Variants in SLC25A32 observed in about 807,000 individuals in gnomAD.
The protein encoded by SLC25A32 is solute carrier family 25 member 32.
In SLC25A32, 32 loss-of-function variants were observed where a neutral mutation model predicts 39.0. The ratio of observed to expected loss-of-function variants is 0.82; its 90% CI spans 0.62 to 1.10. The LOEUF is 1.10. Ranked by LOEUF, SLC25A32 falls within the 50% of genes least tolerant of loss-of-function variation. SLC25A32 has a pLI of 0.00. For missense variants in SLC25A32, 367 were observed against 395.3 expected, an observed-to-expected ratio of 0.93 and a Z score of 0.61; for synonymous variants, 166 against 152.4, an observed-to-expected ratio of 1.09 and a Z score of -0.66.
At chr8:103,403,356 A>G (rs1397778353) in intron 3 of SLC25A32, 32 bp from the exon 4 acceptor site, 2 of 1,513,524 alleles carry the variant, frequency 1.3e-6, no homozygotes, top group East Asian at 2.3e-5. Flanking sequence ...ATTATTCAGC[A>G]TACAGATACT....
intron 3 of SLC25A32, among the ~76,000 whole-genome samples, chr8:103,404,067 T>C (rs759207221): frequency 1.3e-5 from 2 of 152,202 alleles, no homozygotes; most frequent in Admixed American, 6.5e-5. Flanking sequence ...AAGTAGGAGT[T>C]ACAAAGACTT....
chr8:103,401,556 A>T lies in SLC25A32; in HGVS notation c.772T>A (p.Phe258Ile). ...ATTACATCTATTACACCACTGTAAA[A>T]CATGTGTTGATCCTGAAGACGAGCT... ...VRARLQDQHM[F>I]YSGVIDVITK... is the part of the protein sequence containing the mutation. Residue 258 changes from phenylalanine to isoleucine, a missense_variant, in exon 6 of 7, where the codon TTT becomes ATT. Phe to Ile is a conservative substitution (Grantham distance 21). Transcript: ENST00000297578. The T allele has an allele frequency of 6.2e-7, 1 of 1,613,840 alleles. No homozygotes were observed. Among genetic ancestry groups the T allele is most frequent in the Non-Finnish European group, 8.5e-7 (1 of 1,179,854 alleles).
intron 1 of SLC25A32, among the ~76,000 whole-genome samples, chr8:103,409,828 C>T (rs1212768941): frequency 8.5e-5 from 13 of 152,208 alleles, no homozygotes; most frequent in Admixed American, 5.2e-4. Flanking sequence ...GGGTTTGATA[C>T]GTAACCTCCC....
intron 1 of SLC25A32, among the ~76,000 whole-genome samples, chr8:103,411,385 G>A (rs1027616319): frequency 2.0e-5 from 3 of 151,750 alleles, no homozygotes; most frequent in African/African-American, 7.3e-5. Flanking sequence ...TCAGGTAAGT[G>A]TCTGCAATGA....
Position 103,404,859 on chromosome 8 carries a change from T to C in SLC25A32, c.308A>G (p.Tyr103Cys), listed in dbSNP as rs764848283. Reference sequence around the variant, plus strand: ...TGTTTTATATGACTTGATGGCATTGTAACTAAAAGAATTAAATGTGAGCAG... The same window carrying C: ...TGTTTTATATGACTTGATGGCATTGCAACTAAAAGAATTAAATGTGAGCAG... ...GLSWGLYFFF[Y>C]NAIKSYKTEG... The change falls in exon 3 of 7, where the codon TAC becomes TGC. Residue 103 changes from tyrosine (Y) to cysteine (C), a missense_variant and splice_region_variant. By Grantham distance (194) the Tyr-to-Cys change is radical. Coordinates refer to ENST00000297578, the MANE Select transcript of SLC25A32 (RefSeq NM_030780.5). 2 of 1,604,550 alleles carry C rather than the reference T, an allele frequency of 1.2e-6. No individual in the cohort carries two copies. The highest frequency in any genetic ancestry group is 2.2e-5 in the East Asian group (1 of 44,818).
At position 103,400,243 on chromosome 8, in the gene SLC25A32, A is replaced by C. The variant is rs923049156; in HGVS notation, c.*168T>G. 1.0e-5 allele frequency: 6 copies of C among 601,714 alleles called. No homozygotes were observed. In the African/African-American group the frequency reaches 4.1e-4, roughly 41 times the overall value. The allele number at this position is 601,714 out of a possible 1,614,324, so 37.3% of individuals were successfully genotyped here. On this transcript the variant is annotated 3_prime_UTR_variant, in exon 7 of 7. Coordinates refer to ENST00000297578, the MANE Select transcript of SLC25A32 (RefSeq NM_030780.5). ...GTTCCATATATATGGGGAAGGCAAAAAGCAAGAAAAACATTGCAGGAGACT... is the reference window on the plus strand; with the variant it reads ...GTTCCATATATATGGGGAAGGCAAACAGCAAGAAAAACATTGCAGGAGACT...
chr8:103,409,818 GGGTTTGATACGTAACCTCCCTA>G (rs1284615643), intron 1 of SLC25A32, among the ~76,000 whole-genome samples: 1 of 152,186 alleles, frequency 6.6e-6, no homozygotes, highest in Non-Finnish European at 1.5e-5. Flanking sequence ...CAGAAGACCT[GGGTTTGATACGTAACCTCCCTA>G]ATTCGCTACA....
intron 1 of SLC25A32, among the ~76,000 whole-genome samples, chr8:103,408,736 CGCCATCATCATCT>C (rs1292861907): frequency 6.6e-6 from 1 of 152,196 alleles, no homozygotes; most frequent in Non-Finnish European, 1.5e-5. Context: ...ACTCAACAAA[CGCCATCATCATCT>C]GCATTGATGC....
At chr8:103,401,720 A>C in intron 5 of SLC25A32, 59 bp from the exon 6 acceptor site, 1 of 1,421,910 alleles carries the variant, frequency 7.0e-7, no homozygotes, top group South Asian at 1.4e-5. Context: ...AAAATACAGA[A>C]GTAAAAATTA....
At chr8:103,402,191 A>T in intron 4 of SLC25A32, 137 bp from the exon 5 acceptor site, 1 of 575,432 alleles carries the variant, frequency 1.7e-6, no homozygotes, top group South Asian at 2.7e-5. Flanking sequence ...ACATTTTTAA[A>T]ATATGGGGTT....
At chr8:103,406,381 T>A (rs1816333876) in intron 2 of SLC25A32, among the ~76,000 whole-genome samples, 1 of 152,120 alleles carries the variant, frequency 6.6e-6, no homozygotes. Flanking sequence ...AAAAATGAAA[T>A]CTGTTGAAGC....
chr8:103,413,738 A>C (rs780886381), intron 1 of SLC25A32, among the ~76,000 whole-genome samples: 2 of 152,182 alleles, frequency 1.3e-5, no homozygotes, highest in Non-Finnish European at 2.9e-5. Flanking sequence ...TCCTTCATAG[A>C]ACGGGTTCTT....
chr8:103,406,475 G>C (rs1332742566), intron 2 of SLC25A32, among the ~76,000 whole-genome samples: 3 of 152,218 alleles, frequency 2.0e-5, no homozygotes, highest in African/African-American at 7.2e-5. Context: ...AATACAGTGC[G>C]ATGATGGTTT....
Position 103,414,800 on chromosome 8 carries a change from C to G in SLC25A32, c.138G>C (p.Val46=). Residue 46 remains valine, a synonymous_variant, in exon 1 of 7, where the codon GTG becomes GTC. Coordinates refer to ENST00000297578, the MANE Select transcript of SLC25A32 (RefSeq NM_030780.5). ...SNLALHPLDL[V]KIRFAVSDGL... The stretch of plus-strand genomic sequence containing the variant: ...GGCTCTTACCGGCGAAGCGGATCTT[C>G]ACGAGGTCGAGCGGATGCAGCGCAA... 1 of 1,613,810 alleles carries G rather than the reference C, an allele frequency of 6.2e-7. No individual in the cohort carries two copies. Among genetic ancestry groups the G allele is most frequent in the Non-Finnish European group, 8.5e-7 (1 of 1,180,046 alleles).
chr8:103,400,271 G>A lies in SLC25A32; in HGVS notation c.*140C>T, dbSNP rs867032875. 61 of 947,560 alleles carry A rather than the reference G, an allele frequency of 6.4e-5. 1 individual carries two copies. The Middle Eastern group carries it at 2.6e-3, about 41-fold the overall frequency. The allele number at this position is 947,560 out of a possible 1,614,324, so 58.7% of individuals were successfully genotyped here. On this transcript the variant is annotated 3_prime_UTR_variant, in exon 7 of 7. Transcript: ENST00000297578. ...CAAGAAAAACATTGCAGGAGACTTA[G>A]CAGTTCTCTGGCTTCTAATGACTAT...
intron 1 of SLC25A32, among the ~76,000 whole-genome samples, chr8:103,414,292 C>T (rs1349040082): frequency 6.6e-6 from 1 of 152,154 alleles, no homozygotes; most frequent in Non-Finnish European, 1.5e-5. Flanking sequence ...TTCACAGAAA[C>T]TTGTACCATT....
At chr8:103,409,726 A>C (rs1198541397) in intron 1 of SLC25A32, among the ~76,000 whole-genome samples, 1 of 152,198 alleles carries the variant, frequency 6.6e-6, no homozygotes, top group East Asian at 1.9e-4. Context: ...ATTGCCAGGA[A>C]AAGGGGGAAA....
rs1274705813 is a variant in SLC25A32, at chr8:103,400,210, G to A, written c.*201C>T. 1.8e-6 allele frequency: 1 copy of A among 570,646 alleles called. No individual in the cohort carries two copies. The highest frequency in any genetic ancestry group is 3.0e-6 in the Non-Finnish European group (1 of 331,968). The allele number at this position is 570,646 out of a possible 1,614,324, so 35.3% of individuals were successfully genotyped here. The stretch of plus-strand genomic sequence containing the variant: ...TTGATGGCAGCCATTTCAGGCAGAG[G>A]TAGCCAAGTTCCATATATATGGGGA... On this transcript the variant is annotated 3_prime_UTR_variant, in exon 7 of 7. Coordinates refer to ENST00000297578, the MANE Select transcript of SLC25A32 (RefSeq NM_030780.5).
In SLC25A32 at chr8:103,403,375, T is replaced by TA. The variant is rs780694777; in HGVS notation, c.392-52dup. 3.5e-6 allele frequency: 4 copies of TA among 1,156,116 alleles called. No homozygotes were observed. The African/African-American group carries it at 5.1e-5, about 15-fold the overall frequency. 71.6% of individuals were successfully genotyped at this position (1,156,116 alleles called of 1,614,324 possible). Reference sequence around the variant, plus strand: ...TTCAGCATACAGATACTTTCGCACTTATGACAACCCAAATTAGAAACAGTA... The same window carrying TA: ...TTCAGCATACAGATACTTTCGCACTTAATGACAACCCAAATTAGAAACAGTA... On this transcript the variant is annotated intron_variant, in intron 3 of 6. Coordinates refer to ENST00000297578, the MANE Select transcript of SLC25A32 (RefSeq NM_030780.5).
Sources: allele counts gnomAD v4.1 joint callset (sites outside exome capture counted in the v4.1 genomes callset), GRCh38; gene constraint gnomAD v4.1.1; transcripts MANE v1.5; gene names NCBI Gene and HGNC (gene_info 2026-07-23, HGNC 2026-07-21).